The following TMEM144 variants were observed in gnomAD, a reference collection of about 807,000 sequenced individuals.
TMEM144 encodes transmembrane protein 144.
TMEM144 carries 39 observed loss-of-function variants against 43.6 expected under a neutral mutation model. The ratio of observed to expected loss-of-function variants is 0.90; its 90% CI spans 0.69 to 1.17. The LOEUF is 1.17. Among genes scored for constraint, TMEM144 ranks in the 50% most tolerant of loss-of-function variants. The pLI, the probability that TMEM144 is intolerant of heterozygous loss-of-function variation, is 0.00. For missense variants in TMEM144, 417 were observed against 411.9 expected (o/e 1.01, Z -0.11); for synonymous variants, 154 against 133.6 (o/e 1.15, Z -1.06).
chr4:158,216,962 G>A (rs1051246354), intron 4 of TMEM144, among the ~76,000 whole-genome samples: 4 of 152,110 alleles, frequency 2.6e-5, no homozygotes, highest in African/African-American at 9.7e-5. Flanking sequence ...AAGTACTTCT[G>A]CCAGTATTTG....
chr4:158,236,686 A>T (rs2111135753), intron 8 of TMEM144, among the ~76,000 whole-genome samples: 1 of 151,638 alleles, frequency 6.6e-6, no homozygotes, highest in South Asian at 2.1e-4. Flanking sequence ...TTTTTGTGTG[A>T]TTTTTTTGTT....
intron 6 of TMEM144, among the ~76,000 whole-genome samples, chr4:158,231,243 T>G (rs1270390367): frequency 6.6e-6 from 1 of 152,088 alleles, no homozygotes; most frequent in Non-Finnish European, 1.5e-5. Context: ...GGAAGAGGGA[T>G]TCTAGTGTCC....
intron 12 of TMEM144, 41 bp downstream of exon 12, chr4:158,244,390 G>A (rs757228948): frequency 1.3e-5 from 20 of 1,551,964 alleles, no homozygotes; most frequent in Non-Finnish European, 1.8e-5. Context: ...TGGGAATGGG[G>A]TAGGCCGGGC....
At chr4:158,222,168 T>C (rs943716604) in intron 6 of TMEM144, among the ~76,000 whole-genome samples, 2 of 152,196 alleles carry the variant, frequency 1.3e-5, no homozygotes, top group African/African-American at 4.8e-5. Context: ...TTGTAAAAAA[T>C]CTCACATCTA....
At chr4:158,250,592 G>A (rs1736152432) in intron 12 of TMEM144, among the ~76,000 whole-genome samples, 2 of 152,328 alleles carry the variant, frequency 1.3e-5, no homozygotes, top group East Asian at 3.9e-4. Context: ...TGACCTGGCT[G>A]CAAGGCAGCA....
Position 158,244,296 on chromosome 4 carries a change from G to T in TMEM144, c.901G>T (p.Gly301Cys). The T allele has an allele frequency of 1.9e-6, 3 of 1,586,240 alleles. No individual in the cohort carries two copies. Among genetic ancestry groups the T allele is most frequent in the Non-Finnish European group, 2.6e-6 (3 of 1,165,264 alleles). ...AVVSFPIITA[G>C]PGFIAAMWGI... ...ATTAAAATTTATATTTTTATTTAAG[G>T]GTCCAGGATTTATAGCTGCAATGTG... Residue 301 changes from glycine to cysteine, a missense_variant and splice_region_variant, in exon 12 of 13, where the codon GGT becomes TGT. Coordinates refer to ENST00000296529, the MANE Select transcript of TMEM144 (RefSeq NM_018342.5).
At chr4:158,212,851 A>G (rs764259100) in intron 3 of TMEM144, 75 bp downstream of exon 3, 11 of 1,141,304 alleles carry the variant, frequency 9.6e-6, no homozygotes, top group Middle Eastern at 2.6e-4. Context: ...TTTTAAAAGT[A>G]TAGCTACAAA....
intron 12 of TMEM144, among the ~76,000 whole-genome samples, chr4:158,250,623 C>A (rs1179717739): frequency 1.3e-4 from 20 of 152,206 alleles, no homozygotes; most frequent in Admixed American, 1.2e-3. Flanking sequence ...CACCCTCTAC[C>A]CTCTGACCCC....
At position 158,237,569 on chromosome 4, in the gene TMEM144, C is replaced by A. The variant is rs1735414542; in HGVS notation, c.608C>A (p.Thr203Lys). Residue 203 changes from threonine (T) to lysine (K), a missense_variant, in exon 9 of 13, where the codon ACA becomes AAA. By Grantham distance (78) the Thr-to-Lys change is moderately conservative. Transcript: ENST00000296529. ...AVISGVLYGS[T>K]FVPIIYIKDH... ...ATATCTGGAGTACTCTATGGATCTA[C>A]ATTTGTGCCAATCATCTACATCAAG... 1.9e-6 allele frequency: 3 copies of A among 1,613,882 alleles called. No individual in the cohort carries two copies. The highest frequency in any genetic ancestry group is 2.5e-6 in the Non-Finnish European group (3 of 1,179,922).
rs1161643530 is a variant in TMEM144 at position 158,212,680 on chromosome 4, G to A, written c.13G>A (p.Gly5Arg). 1.2e-6 allele frequency: 2 copies of A among 1,611,268 alleles called. No individual in the cohort carries two copies. Among genetic ancestry groups the A allele is most frequent in the African/African-American group, 1.3e-5 (1 of 74,796 alleles). Residue 5 changes from glycine to arginine, a missense_variant, in exon 3 of 13, where the codon GGA becomes AGA. By Grantham distance (125) the Gly-to-Arg change is moderately radical. Transcript: ENST00000296529. MSNN[G>R]ADLTFGYISC... is the part of the protein sequence containing the mutation. ...TAAGACTGGAATCATGAGCAACAAT[G>A]GAGCAGACCTAACCTTTGGTTACAT...
rs140694627 is a variant in TMEM144 at position 158,230,079 on chromosome 4, G to T, written c.414-2822G>T. On this transcript the variant is annotated intron_variant, in intron 6 of 12. Coordinates refer to ENST00000296529, the MANE Select transcript of TMEM144 (RefSeq NM_018342.5). ...CCAGCGGAGAGGCTGTTGAGAATCT[G>T]CATGGCTCTAGTGTTGGGACCCTAG... Among the ~76,000 whole-genome samples, 86 of 152,366 alleles carry T rather than the reference G, an allele frequency of 5.6e-4. 1 individual carries two copies. The East Asian group carries it at 0.016, about 29-fold the overall frequency.
In TMEM144 at chr4:158,239,090, T is replaced by A. The variant is rs116080762; in HGVS notation, c.683-1209T>A. Among the ~76,000 whole-genome samples, 943 of 152,340 alleles carry A rather than the reference T, an allele frequency of 6.2e-3. 12 individuals are homozygous for A. The highest frequency in any genetic ancestry group is 0.022 in the African/African-American group (909 of 41,582). On this transcript the variant is annotated intron_variant, in intron 9 of 12. Transcript: ENST00000296529. The stretch of plus-strand genomic sequence containing the variant: ...TAAGACAGAGACGTGAGATGATTTG[T>A]CCAAGTCCCAAAGTTAGTGAGTATT...
chr4:158,216,420 G>T (rs1167972005), intron 4 of TMEM144, among the ~76,000 whole-genome samples: 1 of 152,140 alleles, frequency 6.6e-6, no homozygotes. Context: ...ATAGGAAAAA[G>T]AACATGTTTG....
intron 1 of TMEM144, 36 bp from the exon 2 acceptor site, chr4:158,211,417 A>T (rs1174656779): frequency 1.3e-5 from 2 of 152,206 alleles, no homozygotes; most frequent in Non-Finnish European, 2.9e-5. Context: ...GGAGAAAATG[A>T]TGTGTTAGCT....
Position 158,244,298 on chromosome 4 carries a change from TC to T in TMEM144, c.905del (p.Pro302GlnfsTer4), listed in dbSNP as rs1735771029. The T allele has an allele frequency of 6.2e-7, 1 of 1,600,202 alleles. No homozygotes were observed. Among genetic ancestry groups the T allele is most frequent in the Admixed American group, 1.7e-5 (1 of 58,974 alleles). ...TAAAATTTATATTTTTATTTAAGGG[TC>T]CAGGATTTATAGCTGCAATGTGGGG... Reference protein sequence around the residue: ...VVSFPIITAGPGFIAAMWGIF... With the variant: ...VVSFPIITAGXGFIAAMWGIF... On this transcript the variant is annotated frameshift_variant, in exon 12 of 13. Transcript: ENST00000296529. LOFTEE classifies it high-confidence loss of function.
At chr4:158,218,345 G>C (rs1203260058) in intron 5 of TMEM144, among the ~76,000 whole-genome samples, 1 of 151,982 alleles carries the variant, frequency 6.6e-6, no homozygotes, top group African/African-American at 2.4e-5. Context: ...ATCAATTTTG[G>C]GAAAATGAGT....
rs1560818423 is a variant in TMEM144, at chr4:158,212,886, C to G, written c.109+110C>G. ...AAATAAATCATGTTGATCTTGATAC[C>G]TAGTGAATAGAGCTTAAAATTAGTC... On this transcript the variant is annotated intron_variant, in intron 3 of 12. Coordinates refer to ENST00000296529, the MANE Select transcript of TMEM144 (RefSeq NM_018342.5). 8.0e-6 allele frequency: 7 copies of G among 872,432 alleles called. No individual in the cohort carries two copies. In the Admixed American group the frequency reaches 8.2e-5, roughly 10 times the overall value. 54.0% of individuals were successfully genotyped at this position (872,432 alleles called of 1,614,324 possible).
intron 6 of TMEM144, among the ~76,000 whole-genome samples, chr4:158,221,767 C>T (rs1198059886): frequency 6.6e-6 from 1 of 152,176 alleles, no homozygotes; most frequent in Non-Finnish European, 1.5e-5. Context: ...CCTCAAGCCA[C>T]AGCCCTTATT....
rs149837605 is a variant in TMEM144 at position 158,235,591 on chromosome 4, G to C, written c.563+86G>C. The C allele has an allele frequency of 2.2e-4, 291 of 1,341,408 alleles. 1 individual carries two copies. The East Asian group carries it at 6.3e-3, about 29-fold the overall frequency. 83.1% of individuals were successfully genotyped at this position (1,341,408 alleles called of 1,614,324 possible). On this transcript the variant is annotated intron_variant, in intron 8 of 12. Coordinates refer to ENST00000296529, the MANE Select transcript of TMEM144 (RefSeq NM_018342.5). ...TACCAGCATGAAGTAATGTTCATCT[G>C]AGTTCAAGAAGAAAATTGTAATGCA... is the stretch of plus-strand genomic sequence containing the variant.
Sources: gnomAD v4.1 joint callset for allele counts (sites outside exome capture counted in the v4.1 genomes callset) on GRCh38, gnomAD v4.1.1 for gene constraint, MANE v1.5 for transcripts, NCBI Gene and HGNC (gene_info 2026-07-23, HGNC 2026-07-21) for gene names.